The following RBFOX1 variants were observed in gnomAD, a reference collection of about 807,000 sequenced individuals.
RBFOX1 encodes the protein RNA binding fox-1 homolog 1.
RBFOX1 carries 8 observed loss-of-function variants against 57.7 expected under a neutral mutation model. That is an observed-to-expected ratio of 0.14 (90% confidence interval 0.08 to 0.25). The LOEUF (loss-of-function observed/expected upper bound fraction) is 0.25, where lower values mean the gene tolerates loss of function less well. RBFOX1 is among the 10% of genes least tolerant of loss of function. The probability of loss-of-function intolerance (pLI) is 1.00; values close to 1 mark genes in which losing one functional copy is unlikely to be tolerated. For synonymous variants in RBFOX1, 326 were observed against 222.4 expected (o/e 1.47, Z -4.15); for missense variants, 611 against 548.5 (o/e 1.11, Z -1.14).
intron 2 of RBFOX1, among the ~76,000 whole-genome samples, chr16:5,532,482 C>T (rs1361773053): frequency 6.6e-6 from 1 of 152,178 alleles, no homozygotes; most frequent in African/African-American, 2.4e-5. Context: ...CCTGGTGAGT[C>T]AGATGCGTAT....
chr16:7,340,772 A>T (rs1181919037), intron 4 of RBFOX1, among the ~76,000 whole-genome samples: 1 of 152,182 alleles, frequency 6.6e-6, no homozygotes, highest in Non-Finnish European at 1.5e-5. Flanking sequence ...GACTTGTCCT[A>T]TTCTGTTTTA....
chr16:5,847,525 A>C (rs539375447), intron 3 of RBFOX1, among the ~76,000 whole-genome samples: 1 of 152,304 alleles, frequency 6.6e-6, no homozygotes, highest in Non-Finnish European at 1.5e-5. Flanking sequence ...TCAGGGTCTT[A>C]CCAAAGGCTG....
chr16:6,534,939 GA>G (rs1396916114), intron 2 of RBFOX1, among the ~76,000 whole-genome samples: 1 of 152,170 alleles, frequency 6.6e-6, no homozygotes, highest in Non-Finnish European at 1.5e-5. Flanking sequence ...TCAACATACA[GA>G]AAACTTGTTT....
At chr16:6,712,718 C>T (rs1669554268) in intron 3 of RBFOX1, among the ~76,000 whole-genome samples, 1 of 152,068 alleles carries the variant, frequency 6.6e-6, no homozygotes, top group African/African-American at 2.4e-5. Flanking sequence ...CCCACTTCTC[C>T]CCACCTCCCC....
chr16:7,132,684 A>G (rs1411862911), intron 4 of RBFOX1, among the ~76,000 whole-genome samples: 2 of 152,160 alleles, frequency 1.3e-5, no homozygotes, highest in African/African-American at 4.8e-5. Flanking sequence ...ACACTTCAGC[A>G]TGGATATTCC....
chr16:6,328,874 C>T (rs1217070642), intron 2 of RBFOX1, among the ~76,000 whole-genome samples: 1 of 152,002 alleles, frequency 6.6e-6, no homozygotes, highest in African/African-American at 2.4e-5. Flanking sequence ...TAAAGAAAAC[C>T]TTGTGCTCTG....
intron 1 of RBFOX1, among the ~76,000 whole-genome samples, chr16:5,388,921 G>A (rs370469927): frequency 8.6e-5 from 13 of 151,478 alleles, no homozygotes; most frequent in South Asian, 8.4e-4. Context: ...GCCGGGCGCG[G>A]TGGCTCACAC....
At chr16:6,083,290 A>G (rs1441515403) in intron 1 of RBFOX1, among the ~76,000 whole-genome samples, 1 of 152,092 alleles carries the variant, frequency 6.6e-6, no homozygotes, top group African/African-American at 2.4e-5. Context: ...GGCGTGAGCT[A>G]TTGCTCCCAG....
chr16:6,203,624 A>G (rs1161458479), intron 1 of RBFOX1, among the ~76,000 whole-genome samples: 2 of 152,170 alleles, frequency 1.3e-5, no homozygotes, highest in Non-Finnish European at 2.9e-5. Flanking sequence ...AATCAAAACC[A>G]CAACAGGAGG....
chr16:5,357,069 T>A (rs1476682863), intron 1 of RBFOX1, among the ~76,000 whole-genome samples: 1 of 152,172 alleles, frequency 6.6e-6, no homozygotes, highest in East Asian at 1.9e-4. Context: ...TCGACAGCAG[T>A]AGAGTTAGGA....
At chr16:6,899,765 A>G (rs907843805) in intron 3 of RBFOX1, among the ~76,000 whole-genome samples, 3 of 152,258 alleles carry the variant, frequency 2.0e-5, no homozygotes, top group Admixed American at 1.3e-4. Flanking sequence ...ACATGAATGA[A>G]GTACATCATA....
At chr16:5,732,932 G>T (rs2052434838) in intron 3 of RBFOX1, among the ~76,000 whole-genome samples, 1 of 152,122 alleles carries the variant, frequency 6.6e-6, no homozygotes, top group South Asian at 2.1e-4. Context: ...ATTATCCAAG[G>T]AGTCAACTTG....
chr16:6,459,979 C>A (rs1220954125), intron 2 of RBFOX1, among the ~76,000 whole-genome samples: 1 of 45,484 alleles, frequency 2.2e-5, no homozygotes. Flanking sequence ...AGTGAAACTC[C>A]ATCTCAAAAA....
chr16:6,723,257 G>A (rs1453557335), intron 3 of RBFOX1, among the ~76,000 whole-genome samples: 1 of 152,206 alleles, frequency 6.6e-6, no homozygotes, highest in South Asian at 2.1e-4. Context: ...TGGGCAAGCA[G>A]TTTCTTCGTG....
chr16:6,991,251 G>C (rs1479015332), intron 3 of RBFOX1, among the ~76,000 whole-genome samples: 1 of 151,338 alleles, frequency 6.6e-6, no homozygotes, highest in Non-Finnish European at 1.5e-5. Context: ...AGTGAGTTGA[G>C]ACCATGCCAC....
At chr16:5,742,162 G>A (rs1388374841) in intron 3 of RBFOX1, among the ~76,000 whole-genome samples, 2 of 152,104 alleles carry the variant, frequency 1.3e-5, no homozygotes, top group African/African-American at 4.8e-5. Context: ...GTTCAAGATG[G>A]GAAATTTGGG....
intron 1 of RBFOX1, among the ~76,000 whole-genome samples, chr16:6,276,116 C>G (rs2075774866): frequency 6.6e-6 from 1 of 152,118 alleles, no homozygotes; most frequent in African/African-American, 2.4e-5. Context: ...CATCATTTCT[C>G]ATTAAATAAA....
chr16:7,449,886 C>G (rs995937460), intron 4 of RBFOX1, among the ~76,000 whole-genome samples: 1 of 152,016 alleles, frequency 6.6e-6, no homozygotes, highest in African/African-American at 2.4e-5. Context: ...GGCTTGAAGA[C>G]ATTTGTGAAG....
chr16:6,587,010 TTG>T (rs140293624), intron 2 of RBFOX1, among the ~76,000 whole-genome samples: 20 of 150,552 alleles, frequency 1.3e-4, no homozygotes, highest in South Asian at 2.1e-4. Context: ...CCCCTGTTTA[TTG>T]TGTGTGTGTG....
Sources: gnomAD v4.1 joint callset for allele counts (sites outside exome capture counted in the v4.1 genomes callset) on GRCh38, gnomAD v4.1.1 for gene constraint, MANE v1.5 for transcripts, NCBI Gene and HGNC (gene_info 2026-07-23, HGNC 2026-07-21) for gene names.